The following MCOLN3 variants were observed in gnomAD, a reference collection of about 807,000 sequenced individuals.
The protein encoded by MCOLN3 is mucolipin-3.
In MCOLN3, 62 loss-of-function variants were observed where a neutral mutation model predicts 69.4. The observed-to-expected ratio is 0.89, with a 90% confidence interval of 0.73 to 1.10. The LOEUF is 1.10. MCOLN3 is among the 50% of genes least tolerant of loss of function. MCOLN3 has a pLI of 0.00. For synonymous variants in MCOLN3, 183 were observed against 217.0 expected, an observed-to-expected ratio of 0.84 and a Z score of 1.38; for missense variants, 564 against 656.4, an observed-to-expected ratio of 0.86 and a Z score of 1.54.
rs150461824 is a variant in MCOLN3 at position 85,034,446 on chromosome 1, C to T, written c.397-195G>A. Among the ~76,000 whole-genome samples, 121 of 152,336 alleles carry T rather than the reference C, an allele frequency of 7.9e-4. 1 individual carries two copies. The East Asian group carries it at 0.017, about 21-fold the overall frequency. On this transcript the variant is annotated intron_variant, in intron 3 of 12. Transcript: ENST00000370589. ...CACTCACAAATTAGAGTTCTAGATT[C>T]AAGCCTCATTTCTGTGACAAACTTT...
intron 3 of MCOLN3, among the ~76,000 whole-genome samples, chr1:85,037,721 G>A (rs1652863567): frequency 6.6e-6 from 1 of 152,212 alleles, no homozygotes; most frequent in African/African-American, 2.4e-5. Flanking sequence ...CAGCTCTAGA[G>A]CCCAAGACAG....
intron 3 of MCOLN3, among the ~76,000 whole-genome samples, chr1:85,039,906 G>A (rs1255554285): frequency 6.6e-6 from 1 of 151,106 alleles, no homozygotes; most frequent in African/African-American, 2.4e-5. Flanking sequence ...AGCTGTGACT[G>A]CACCACTGCA....
At chr1:85,022,230 C>T in intron 10 of MCOLN3, 38 bp from the exon 11 acceptor site, 1 of 1,613,850 alleles carries the variant, frequency 6.2e-7, no homozygotes, top group Non-Finnish European at 8.5e-7. Context: ...TGGTTTTGTC[C>T]TTTAGCCAAA....
chr1:85,037,739 C>T (rs903946276), intron 3 of MCOLN3, among the ~76,000 whole-genome samples: 1 of 152,050 alleles, frequency 6.6e-6, no homozygotes, highest in African/African-American at 2.4e-5. Flanking sequence ...CAGAGGGTTA[C>T]GGGACAGAAA....
At chr1:85,047,965 G>T (rs974267991) in intron 1 of MCOLN3, among the ~76,000 whole-genome samples, 1 of 152,194 alleles carries the variant, frequency 6.6e-6, no homozygotes, top group African/African-American at 2.4e-5. Context: ...ACCTCTAACA[G>T]GGGGACAGTC....
chr1:85,032,710 C>A lies in MCOLN3; in HGVS notation c.718G>T (p.Asp240Tyr). 2 of 1,613,418 alleles carry A rather than the reference C, an allele frequency of 1.2e-6. No individual in the cohort carries two copies. The highest frequency in any genetic ancestry group is 2.2e-5 in the South Asian group (2 of 91,048). ...CCCACACTTACAGTCAGAGTAAAGT[C>A]ATAACAGTCAGGGAGTTCTTGATGA... is the stretch of plus-strand genomic sequence containing the variant. ...VRHQELPDCY[D>Y]FTLTITFDNK... is the part of the protein sequence containing the mutation. The change falls in exon 6 of 13, where the codon GAC (aspartate) becomes TAC (tyrosine). Residue 240 changes from aspartate to tyrosine, a missense_variant. Coordinates refer to ENST00000370589, the MANE Select transcript of MCOLN3 (RefSeq NM_018298.11).
intron 12 of MCOLN3, among the ~76,000 whole-genome samples, chr1:85,019,748 G>A (rs950422916): frequency 8.5e-5 from 13 of 152,170 alleles, no homozygotes; most frequent in African/African-American, 2.7e-4. Flanking sequence ...GCACAGTCTT[G>A]GACTCTCTCG....
chr1:85,040,923 T>C, intron 3 of MCOLN3, 87 bp downstream of exon 3: 4 of 1,304,468 alleles, frequency 3.1e-6, no homozygotes, highest in Non-Finnish European at 4.2e-6. Flanking sequence ...CCTTCTCCAC[T>C]TGAATGTCAG....
At chr1:85,044,857 G>C (rs908004985) in intron 2 of MCOLN3, among the ~76,000 whole-genome samples, 2 of 152,120 alleles carry the variant, frequency 1.3e-5, no homozygotes, top group African/African-American at 4.8e-5. Context: ...CTCTTCATTG[G>C]AAGCCAAATA....
chr1:85,026,916 G>A (rs1392450994), intron 7 of MCOLN3, among the ~76,000 whole-genome samples: 3 of 151,432 alleles, frequency 2.0e-5, no homozygotes, highest in African/African-American at 7.3e-5. Context: ...ACCATACCGG[G>A]CTAATTTTTA....
Position 85,026,100 on chromosome 1 carries a change from A to G in MCOLN3, c.946-12T>C, listed in dbSNP as rs1652202995. Reference sequence around the variant, plus strand: ...AAATTGACAAACTCCTTTAGGGAAAAGAGGGGAGGCACAGTGAATGTCTCT... The same window carrying G: ...AAATTGACAAACTCCTTTAGGGAAAGGAGGGGAGGCACAGTGAATGTCTCT... On this transcript the variant is annotated splice_polypyrimidine_tract_variant and intron_variant, in intron 8 of 12. Transcript: ENST00000370589. The G allele has an allele frequency of 3.7e-6, 6 of 1,609,292 alleles. No individual in the cohort carries two copies. The highest frequency in any genetic ancestry group is 1.7e-5 in the Admixed American group (1 of 59,166).
At chr1:85,019,323 CA>C in intron 12 of MCOLN3, 66 bp from the exon 13 acceptor site, 1 of 1,496,164 alleles carries the variant, frequency 6.7e-7, no homozygotes, top group Non-Finnish European at 9.2e-7. Flanking sequence ...ATTCCAAATT[CA>C]AAATGGATCA....
At position 85,032,760 on chromosome 1, in the gene MCOLN3, T is replaced by C. The variant is rs755492555; in HGVS notation, c.668A>G (p.Lys223Arg). 6.2e-7 allele frequency: 1 copy of C among 1,614,122 alleles called. No homozygotes were observed. Among genetic ancestry groups the C allele is most frequent in the South Asian group, 1.1e-5 (1 of 91,084 alleles). ...ACGAACTGTCTGCAGATTAATGGCTTTCAGTTTAAACTGAAGCTCCACTGT... is the reference window on the plus strand; with the variant it reads ...ACGAACTGTCTGCAGATTAATGGCTCTCAGTTTAAACTGAAGCTCCACTGT... ...LLTVELQFKLKAINLQTVRHQ... is the reference protein window; with the variant it reads ...LLTVELQFKLRAINLQTVRHQ... Residue 223 changes from lysine (K) to arginine (R), a missense_variant, in exon 6 of 13, where the codon AAA (lysine) becomes AGA (arginine). By Grantham distance (26) the Lys-to-Arg change is conservative. Transcript: ENST00000370589.
chr1:85,024,802 T>C (rs1652132058), intron 9 of MCOLN3: 1 of 152,196 alleles, frequency 6.6e-6, no homozygotes, highest in Non-Finnish European at 1.5e-5. Context: ...GTTTTTTATT[T>C]GTCCCTAAAG....
At chr1:85,037,446 A>C (rs1377109936) in intron 3 of MCOLN3, among the ~76,000 whole-genome samples, 6 of 152,232 alleles carry the variant, frequency 3.9e-5, no homozygotes, top group Non-Finnish European at 8.8e-5. Flanking sequence ...AATCACCTAA[A>C]GGTCTGAACC....
At chr1:85,019,760 G>C (rs147147635) in intron 12 of MCOLN3, among the ~76,000 whole-genome samples, 1,761 of 152,326 alleles carry the variant, frequency 0.012, 20 homozygotes, top group Non-Finnish European at 0.019. Flanking sequence ...ACTCTCTCGA[G>C]TTGGCCCAAG....
At chr1:85,043,850 T>TC (rs1653204346) in intron 2 of MCOLN3, among the ~76,000 whole-genome samples, 1 of 152,102 alleles carries the variant, frequency 6.6e-6, no homozygotes, top group African/African-American at 2.4e-5. Flanking sequence ...ACTTTTTTTT[T>TC]TTTTTTGAGA....
chr1:85,019,241 C>A lies in MCOLN3; in HGVS notation c.1544G>T (p.Gly515Val). 1 of 1,613,594 alleles carries A rather than the reference C, an allele frequency of 6.2e-7. No homozygotes were observed. Among genetic ancestry groups the A allele is most frequent in the South Asian group, 1.1e-5 (1 of 90,978 alleles). Residue 515 changes from glycine to valine, a missense_variant, in exon 13 of 13, where the codon GGC becomes GTC. Coordinates refer to ENST00000370589, the MANE Select transcript of MCOLN3 (RefSeq NM_018298.11). Reference sequence around the variant, plus strand: ...TGTACGAAGTTCAGTCTCTGGGAAGCCATCTTGTTGGTATTGCTAAACAGA... The same window carrying A: ...TGTACGAAGTTCAGTCTCTGGGAAGACATCTTGTTGGTATTGCTAAACAGA... ...YETIKQYQQD[G>V]FPETELRTFI... is the part of the protein sequence containing the mutation.
chr1:85,032,426 C>T (rs1652583605), intron 6 of MCOLN3, among the ~76,000 whole-genome samples: 1 of 152,058 alleles, frequency 6.6e-6, no homozygotes, highest in Admixed American at 6.6e-5. Context: ...AAATCTATAC[C>T]AGGCACTGTT....
Sources: allele counts gnomAD v4.1 joint callset (sites outside exome capture counted in the v4.1 genomes callset), GRCh38; gene constraint gnomAD v4.1.1; transcripts MANE v1.5; gene names NCBI Gene and HGNC (gene_info 2026-07-23, HGNC 2026-07-21).